Variants in SLC5A4 observed in about 807,000 individuals in gnomAD.
SLC5A4 encodes the protein solute carrier family 5 member 4.
In SLC5A4, 55 loss-of-function variants were observed where a neutral mutation model predicts 70.3. The observed-to-expected ratio is 0.78, with a 90% CI of 0.63 to 0.98. The LOEUF (loss-of-function observed/expected upper bound fraction) is 0.98, where lower values mean the gene tolerates loss of function less well. SLC5A4 is among the 50% of genes least tolerant of loss of function. The probability of loss-of-function intolerance (pLI) is 0.00; values close to 1 mark genes in which losing one functional copy is unlikely to be tolerated. For missense variants in SLC5A4, 735 were observed against 839.2 expected, an observed-to-expected ratio of 0.88 and a Z score of 1.53; for synonymous variants, 268 against 305.7, an observed-to-expected ratio of 0.88 and a Z score of 1.29.
chr22:32,239,510 A>G (rs1926261851), intron 5 of SLC5A4, among the ~76,000 whole-genome samples: 1 of 81,352 alleles, frequency 1.2e-5, no homozygotes. Context: ...CCAGCCTGGG[A>G]GTGCATATTA....
chr22:32,223,146 A>G (rs1271977532), intron 13 of SLC5A4, among the ~76,000 whole-genome samples: 1 of 152,226 alleles, frequency 6.6e-6, no homozygotes, highest in Non-Finnish European at 1.5e-5. Context: ...GTTTCTAAAC[A>G]GCTGCATAAT....
At chr22:32,301,760 C>G in the SLC5A4 span, among the ~76,000 whole-genome samples, 1 of 151,800 alleles carries the variant, frequency 6.6e-6, no homozygotes, top group Admixed American at 6.6e-5. Flanking sequence ...AGTTTTAAAA[C>G]TTACAACAAA....
chr22:32,263,063 C>T, the SLC5A4 span, among the ~76,000 whole-genome samples: 1,486 of 113,020 alleles, frequency 0.013, 6 homozygotes, highest in South Asian at 0.018. Context: ...CCACCGTGCC[C>T]GGCCCTACAT....
the SLC5A4 span, among the ~76,000 whole-genome samples, chr22:32,333,340 A>G: frequency 3.3e-5 from 5 of 152,022 alleles, no homozygotes; most frequent in South Asian, 1.0e-3. Context: ...AAGGAGCATG[A>G]CCTCAGTGAG....
the SLC5A4 span, among the ~76,000 whole-genome samples, chr22:32,346,843 A>C: frequency 6.1e-5 from 9 of 148,232 alleles, no homozygotes; most frequent in Middle Eastern, 6.8e-3. Flanking sequence ...CAAAAGACAA[A>C]ATTGACAAAT....
At chr22:32,330,563 CTGTG>C in the SLC5A4 span, among the ~76,000 whole-genome samples, 9 of 87,194 alleles carry the variant, frequency 1.0e-4, no homozygotes, top group Admixed American at 6.3e-4. Flanking sequence ...GTTTTGGGCT[CTGTG>C]TGTGTTGGGG....
the SLC5A4 span, among the ~76,000 whole-genome samples, chr22:32,329,533 G>A: frequency 6.7e-6 from 1 of 148,736 alleles, no homozygotes; most frequent in African/African-American, 2.5e-5. Flanking sequence ...TTCTTGGGGG[G>A]GCTCTGTGTC....
the SLC5A4 span, among the ~76,000 whole-genome samples, chr22:32,308,101 T>G: frequency 1.3e-5 from 2 of 152,152 alleles, no homozygotes; most frequent in Non-Finnish European, 2.9e-5. Flanking sequence ...AGAGTCACTC[T>G]GTCACCCAGG....
At chr22:32,310,737 G>A in the SLC5A4 span, among the ~76,000 whole-genome samples, 1 of 152,250 alleles carries the variant, frequency 6.6e-6, no homozygotes, top group Non-Finnish European at 1.5e-5. Flanking sequence ...ACCCGGCTGA[G>A]TCTGTCTTCT....
Position 32,248,747 on chromosome 22 carries a change from G to T in SLC5A4, c.368C>A (p.Ser123Ter). Residue 123 changes from serine (S) to a stop codon, truncating the protein, a stop_gained, in exon 4 of 15, where the codon TCG (serine) becomes TAG (stop). Coordinates refer to ENST00000266086, the MANE Select transcript of SLC5A4 (RefSeq NM_014227.3). LOFTEE classifies it high-confidence loss of function. ...ATTTTGGTAACAGATACTCACCCCCGACTTGATGTAGATAGGGACAAAGAT... is the reference window on the plus strand; with the variant it reads ...ATTTTGGTAACAGATACTCACCCCCTACTTGATGTAGATAGGGACAAAGAT... The part of the protein sequence containing the change: ...GWIFVPIYIK[S>*]GVMTMPEYLK... 6.2e-7 allele frequency: 1 copy of T among 1,610,414 alleles called. No individual in the cohort carries two copies. Among genetic ancestry groups the T allele is most frequent in the South Asian group, 1.1e-5 (1 of 90,980 alleles).
At chr22:32,272,492 T>C in the SLC5A4 span, 1 of 720,834 alleles carries the variant, frequency 1.4e-6, no homozygotes, top group South Asian at 1.5e-5. Flanking sequence ...ATGAAGAGCA[T>C]CTGGCTGCTG....
At chr22:32,333,790 A>G in the SLC5A4 span, among the ~76,000 whole-genome samples, 2 of 149,620 alleles carry the variant, frequency 1.3e-5, no homozygotes, top group African/African-American at 4.9e-5. Flanking sequence ...CACACACACC[A>G]TGCCACACAG....
chr22:32,329,333 C>A, the SLC5A4 span, among the ~76,000 whole-genome samples: 1 of 152,178 alleles, frequency 6.6e-6, no homozygotes, highest in African/African-American at 2.4e-5. Context: ...TGAGACACTG[C>A]ATGTAACAAC....
the SLC5A4 span, among the ~76,000 whole-genome samples, chr22:32,307,963 G>A: frequency 4.6e-5 from 7 of 151,292 alleles, no homozygotes; most frequent in East Asian, 1.4e-3. Flanking sequence ...TTTCACGGCA[G>A]ACAAAATCAA....
chr22:32,286,273 T>G, the SLC5A4 span, among the ~76,000 whole-genome samples: 1 of 152,250 alleles, frequency 6.6e-6, no homozygotes, highest in Non-Finnish European at 1.5e-5. Context: ...GATTTGGTCA[T>G]AGTGTTTTTG....
At chr22:32,239,540 ATATATATATATATATATATATATAT>A (rs1569374703) in intron 5 of SLC5A4, among the ~76,000 whole-genome samples, 467 of 12,902 alleles carry the variant, frequency 0.036, 36 homozygotes, top group Middle Eastern at 0.075. Flanking sequence ...ATATATATAT[ATATATATATATATATATATATATAT>A]ATATTTATAT....
the SLC5A4 span, among the ~76,000 whole-genome samples, chr22:32,307,242 A>T: frequency 1.3e-5 from 2 of 150,938 alleles, no homozygotes; most frequent in African/African-American, 4.8e-5. Flanking sequence ...ATGTGAAGAT[A>T]GGAGTTTTAG....
At chr22:32,262,641 T>C in the SLC5A4 span, among the ~76,000 whole-genome samples, 2 of 152,218 alleles carry the variant, frequency 1.3e-5, no homozygotes, top group Non-Finnish European at 2.9e-5. Flanking sequence ...GTAGACTGCA[T>C]GTTTCTTTTT....
At chr22:32,306,548 G>T in the SLC5A4 span, among the ~76,000 whole-genome samples, 1 of 151,570 alleles carries the variant, frequency 6.6e-6, no homozygotes, top group Admixed American at 6.6e-5. Flanking sequence ...TTACACTCCA[G>T]TATTATTAGG....
Sources: allele counts gnomAD v4.1 joint callset (sites outside exome capture counted in the v4.1 genomes callset), GRCh38; gene constraint gnomAD v4.1.1; transcripts MANE v1.5; gene names NCBI Gene and HGNC (gene_info 2026-07-23, HGNC 2026-07-21).